The following PIK3CA variants were observed in gnomAD, a reference collection of about 807,000 sequenced individuals.
The protein encoded by PIK3CA is phosphatidylinositol-4,5-bisphosphate 3-kinase catalytic subunit alpha.
In PIK3CA, 27 loss-of-function variants were observed where a neutral mutation model predicts 138.2. The observed-to-expected ratio is 0.20, with a 90% CI of 0.14 to 0.27. The LOEUF is 0.27. Ranked by LOEUF, PIK3CA falls within the 10% of genes least tolerant of loss-of-function variation. The probability of loss-of-function intolerance (pLI) is 1.00; values close to 1 mark genes in which losing one functional copy is unlikely to be tolerated. For missense variants in PIK3CA, 544 were observed against 1,277.4 expected (o/e 0.43, Z 8.75); for synonymous variants, 358 against 413.2 (o/e 0.87, Z 1.62).
chr3:179,170,385 A>G (rs1325332980), intron 1 of PIK3CA, among the ~76,000 whole-genome samples: 1 of 152,234 alleles, frequency 6.6e-6, no homozygotes, highest in East Asian at 1.9e-4. Context: ...TAACGGAGTG[A>G]ATTCTAGTGG....
intron 1 of PIK3CA, among the ~76,000 whole-genome samples, chr3:179,188,702 G>A (rs1190962634): frequency 6.6e-6 from 1 of 152,000 alleles, no homozygotes; most frequent in East Asian, 1.9e-4. Context: ...AATTAAATAA[G>A]AAAAATATTT....
At chr3:179,168,548 A>G (rs970124037) in intron 1 of PIK3CA, among the ~76,000 whole-genome samples, 3 of 152,064 alleles carry the variant, frequency 2.0e-5, no homozygotes, top group African/African-American at 4.8e-5. Context: ...TTATATCTTT[A>G]ATTTCCTTTC....
intron 1 of PIK3CA, among the ~76,000 whole-genome samples, chr3:179,166,917 T>C (rs1268522007): frequency 6.6e-6 from 1 of 152,156 alleles, no homozygotes; most frequent in East Asian, 1.9e-4. Flanking sequence ...GTAGCAACTG[T>C]TCTTTTAAAA....
chr3:179,155,565 TAG>T (rs1488712503), intron 1 of PIK3CA, among the ~76,000 whole-genome samples: 2 of 152,138 alleles, frequency 1.3e-5, no homozygotes, highest in Non-Finnish European at 2.9e-5. Flanking sequence ...AACAAAACAG[TAG>T]AACAACTATT....
chr3:179,149,103 C>G (rs954878795), intron 1 of PIK3CA, among the ~76,000 whole-genome samples: 1 of 152,170 alleles, frequency 6.6e-6, no homozygotes, highest in African/African-American at 2.4e-5. Flanking sequence ...TTGCCTCTTA[C>G]TGGGTTTAAA....
intron 1 of PIK3CA, among the ~76,000 whole-genome samples, chr3:179,180,125 G>A (rs1723805119): frequency 6.6e-6 from 1 of 152,106 alleles, no homozygotes; most frequent in Non-Finnish European, 1.5e-5. Flanking sequence ...TCTTAATTGA[G>A]TAATGGTGTA....
chr3:179,234,463 C>A lies in PIK3CA; in HGVS notation c.*99C>A. On this transcript the variant is annotated 3_prime_UTR_variant, in exon 21 of 21. Transcript: ENST00000263967. This position sits in a 1 kb window ranked among gnomAD's most constrained non-coding sequence, Gnocchi z 5.1. ...CCGATTGCATAGGAATTGCACAATCCATGAACAGCATTAGAATTTACAGCA... is the reference window on the plus strand; with the variant it reads ...CCGATTGCATAGGAATTGCACAATCAATGAACAGCATTAGAATTTACAGCA... 1 of 862,616 alleles carries A rather than the reference C, an allele frequency of 1.2e-6. No homozygotes were observed. Among genetic ancestry groups the A allele is most frequent in the Non-Finnish European group, 1.8e-6 (1 of 567,602 alleles). 53.4% of individuals were successfully genotyped at this position (862,616 alleles called of 1,614,324 possible). A position where few individuals can be genotyped will look rare whatever the true frequency, so the allele number is the denominator to read the frequency against.
At chr3:179,149,292 C>G (rs1722946091) in intron 1 of PIK3CA, among the ~76,000 whole-genome samples, 1 of 152,128 alleles carries the variant, frequency 6.6e-6, no homozygotes. Context: ...TTATGTGATG[C>G]CTGTTCCATG....
chr3:179,174,797 C>T (rs1723654867), intron 1 of PIK3CA, among the ~76,000 whole-genome samples: 1 of 152,120 alleles, frequency 6.6e-6, no homozygotes, highest in African/African-American at 2.4e-5. Flanking sequence ...AAAGCAAATG[C>T]TACATGGGGT....
intron 16 of PIK3CA, 145 bp from the exon 17 acceptor site, chr3:179,225,812 TGAAAA>T (rs1039322932): frequency 8.1e-6 from 4 of 491,504 alleles, no homozygotes; most frequent in African/African-American, 1.9e-5. Flanking sequence ...ATAAATTTTT[TGAAAA>T]GAAATCAGAA....
chr3:179,163,888 A>G (rs1723348737), intron 1 of PIK3CA, among the ~76,000 whole-genome samples: 1 of 152,022 alleles, frequency 6.6e-6, no homozygotes, highest in African/African-American at 2.4e-5. Flanking sequence ...TTCCATTGAC[A>G]GTCTGAATTG....
intron 1 of PIK3CA, among the ~76,000 whole-genome samples, chr3:179,193,169 T>C (rs1269950545): frequency 6.6e-6 from 1 of 152,204 alleles, no homozygotes; most frequent in East Asian, 1.9e-4. Flanking sequence ...ACCAAAAGAT[T>C]TTTAAGTACT....
intron 1 of PIK3CA, among the ~76,000 whole-genome samples, chr3:179,159,485 G>A (rs1044853820): frequency 2.0e-5 from 3 of 152,140 alleles, no homozygotes; most frequent in Non-Finnish European, 4.4e-5. Context: ...TGAGGAGGGG[G>A]AGCATTATGG....
intron 6 of PIK3CA, among the ~76,000 whole-genome samples, chr3:179,205,764 GA>G (rs1302949116): frequency 3.3e-5 from 5 of 152,172 alleles, no homozygotes; most frequent in African/African-American, 1.2e-4. Flanking sequence ...GAGTACCCCT[GA>G]ACGTAATAGC....
intron 3 of PIK3CA, among the ~76,000 whole-genome samples, chr3:179,200,526 CTGTT>C (rs1317881099): frequency 6.6e-6 from 1 of 151,992 alleles, no homozygotes; most frequent in African/African-American, 2.4e-5. Context: ...ATATCAAATT[CTGTT>C]AGTAGAATAA....
In PIK3CA at chr3:179,237,997, G is replaced by A; in HGVS notation, c.*3633G>A. ...AGATAATATGTGGTGTTAATAGATT[G>A]TGGTGCTTTTACTATTTAAAGACAA... On this transcript the variant is annotated 3_prime_UTR_variant, in exon 21 of 21. Coordinates refer to ENST00000263967, the MANE Select transcript of PIK3CA (RefSeq NM_006218.4). The A allele has an allele frequency of 4.6e-6, 1 of 218,558 alleles. No homozygotes were observed. The highest frequency in any genetic ancestry group is 9.2e-6 in the Non-Finnish European group (1 of 108,662). The allele number at this position is 218,558 out of a possible 1,614,324, so 13.5% of individuals were successfully genotyped here.
At position 179,199,176 on chromosome 3, in the gene PIK3CA, T is replaced by C; in HGVS notation, c.351T>C (p.Ile117=). The C allele has an allele frequency of 1.3e-6, 2 of 1,548,220 alleles. No homozygotes were observed. The highest frequency in any genetic ancestry group is 1.7e-6 in the Non-Finnish European group (2 of 1,145,302). The change falls in exon 2 of 21, where the codon ATT becomes ATC. Residue 117 remains isoleucine, a splice_region_variant and synonymous_variant. Coordinates refer to ENST00000263967, the MANE Select transcript of PIK3CA (RefSeq NM_006218.4). ...AAGAAAAGATCCTCAATCGAGAAAT[T>C]GGTATGATACAATATCCTATTCTAA... is the stretch of plus-strand genomic sequence containing the variant. ...NREEKILNRE[I]GFAIGMPVCE...
chr3:179,213,844 G>A (rs945790745), intron 9 of PIK3CA, among the ~76,000 whole-genome samples: 5 of 152,242 alleles, frequency 3.3e-5, no homozygotes, highest in African/African-American at 1.2e-4. Context: ...GTTGCTTAGT[G>A]TAGCCACCTT....
At chr3:179,173,404 CAAAAAAAA>C (rs749831764) in intron 1 of PIK3CA, among the ~76,000 whole-genome samples, 1 of 43,110 alleles carries the variant, frequency 2.3e-5, no homozygotes, top group Non-Finnish European at 4.7e-5. Flanking sequence ...GCTAAAAATA[CAAAAAAAA>C]AAAAAAAAAA....
Sources: gnomAD v4.1 joint callset for allele counts (sites outside exome capture counted in the v4.1 genomes callset) on GRCh38, gnomAD v4.1.1 for gene constraint, Gnocchi (gnomAD v3.1) non-coding constraint, MANE v1.5 for transcripts, NCBI Gene and HGNC (gene_info 2026-07-23, HGNC 2026-07-21) for gene names.